The following NKAIN2 variants were observed in gnomAD, a reference collection of about 807,000 sequenced individuals.
NKAIN2 encodes the protein sodium/potassium transporting ATPase interacting 2, also known as sodium/potassium-transporting ATPase subunit beta-1-interacting protein 2.
In NKAIN2, 14 loss-of-function variants were observed where a neutral mutation model predicts 32.6. That is an observed-to-expected ratio of 0.43 (90% CI 0.28 to 0.67). The LOEUF (loss-of-function observed/expected upper bound fraction) is 0.67, where lower values mean the gene tolerates loss of function less well. Ranked by LOEUF, NKAIN2 falls within the 30% of genes least tolerant of loss-of-function variation. NKAIN2 has a pLI of 0.17. For missense variants in NKAIN2, 198 were observed against 258.3 expected (o/e 0.77, Z 1.60); for synonymous variants, 80 against 87.2 (o/e 0.92, Z 0.46).
At chr6:124,623,443 C>A (rs943334136) in intron 3 of NKAIN2, among the ~76,000 whole-genome samples, 4 of 152,050 alleles carry the variant, frequency 2.6e-5, no homozygotes, top group African/African-American at 9.7e-5. Context: ...TAGTATTGAA[C>A]TTAAAAATGT....
chr6:124,030,215 A>G (rs1271113479), intron 1 of NKAIN2, among the ~76,000 whole-genome samples: 1 of 152,168 alleles, frequency 6.6e-6, no homozygotes, highest in African/African-American at 2.4e-5. Flanking sequence ...TTCATTATAT[A>G]TTACAATGTA....
At chr6:124,168,397 T>A (rs1230099765) in intron 1 of NKAIN2, among the ~76,000 whole-genome samples, 2 of 152,162 alleles carry the variant, frequency 1.3e-5, no homozygotes, top group Admixed American at 1.3e-4. Flanking sequence ...TATTGTAGTA[T>A]GGATACTCTT....
intron 4 of NKAIN2, among the ~76,000 whole-genome samples, chr6:124,670,645 C>CTGTGTGTGTGTGTGTG (rs57300688): frequency 0.01 from 1,251 of 123,884 alleles, 4 homozygotes; most frequent in Non-Finnish European, 0.015. Context: ...TCTTTGCTTT[C>CTGTGTGTGTGTGTGTG]TGTGTGTGTG....
chr6:124,202,458 T>C (rs1222093801), intron 1 of NKAIN2, among the ~76,000 whole-genome samples: 1 of 151,048 alleles, frequency 6.6e-6, no homozygotes, highest in Non-Finnish European at 1.5e-5. Context: ...AATAAAAGAA[T>C]ATACATTCAT....
intron 3 of NKAIN2, among the ~76,000 whole-genome samples, chr6:124,396,203 A>G (rs769355447): frequency 4.6e-5 from 7 of 152,130 alleles, no homozygotes; most frequent in Non-Finnish European, 8.8e-5. Flanking sequence ...ATCTCCCAAT[A>G]CATGGTAAGA....
chr6:124,698,606 A>G (rs1002353649), intron 4 of NKAIN2, among the ~76,000 whole-genome samples: 1 of 152,190 alleles, frequency 6.6e-6, no homozygotes, highest in Non-Finnish European at 1.5e-5. Flanking sequence ...TTGCAGGATA[A>G]TTACTTTGCT....
intron 1 of NKAIN2, among the ~76,000 whole-genome samples, chr6:124,218,558 A>G (rs1354948093): frequency 2.0e-5 from 3 of 152,232 alleles, no homozygotes; most frequent in African/African-American, 7.2e-5. Flanking sequence ...AAAATAATTT[A>G]TTAAATAAGG....
intron 1 of NKAIN2, among the ~76,000 whole-genome samples, chr6:124,256,876 CT>C (rs990797483): frequency 1.2e-4 from 14 of 117,372 alleles, no homozygotes; most frequent in African/African-American, 4.6e-4. Flanking sequence ...TTTCAATTAG[CT>C]TTCTGTTGTT....
intron 3 of NKAIN2, among the ~76,000 whole-genome samples, chr6:124,563,184 G>A (rs545029292): frequency 9.9e-5 from 15 of 152,114 alleles, no homozygotes; most frequent in African/African-American, 3.1e-4. Context: ...GATTACAGGC[G>A]TGAGCCACTG....
rs755017479 is a variant in NKAIN2 at position 124,791,373 on chromosome 6, A to C, written c.509A>C (p.Lys170Thr). The C allele has an allele frequency of 3.7e-6, 6 of 1,608,890 alleles. No homozygotes were observed. The African/African-American group carries it at 5.3e-5, about 14-fold the overall frequency. The change falls in exon 5 of 7, where the codon AAA (lysine) becomes ACA (threonine). Residue 170 changes from lysine (K) to threonine (T), a missense_variant. Coordinates refer to ENST00000368417, the MANE Select transcript of NKAIN2 (RefSeq NM_001040214.3). ...AGFIYACYVV[K>T]CITEEEDSFD... is the part of the protein sequence containing the mutation. ...TTCATCTACGCCTGTTATGTTGTGA[A>C]ATGTATAACTGAAGAAGAGGACAGC...
chr6:124,520,157 C>A (rs149840219), intron 3 of NKAIN2, among the ~76,000 whole-genome samples: 2,433 of 152,098 alleles, frequency 0.016, 36 homozygotes, highest in Middle Eastern at 0.027. Context: ...AGGAATCTTC[C>A]CTATGTACTC....
chr6:124,151,814 C>T (rs1177439755), intron 1 of NKAIN2, among the ~76,000 whole-genome samples: 3 of 151,852 alleles, frequency 2.0e-5, no homozygotes, highest in Admixed American at 6.6e-5. Context: ...AGTACTTGTA[C>T]AAAATTTACT....
chr6:123,941,845 C>T (rs957786298), intron 1 of NKAIN2, among the ~76,000 whole-genome samples: 1 of 151,888 alleles, frequency 6.6e-6, no homozygotes, highest in African/African-American at 2.4e-5. Flanking sequence ...TAGGCATGCA[C>T]CCATAAATTG....
intron 2 of NKAIN2, among the ~76,000 whole-genome samples, chr6:124,347,884 G>T (rs930630135): frequency 2.0e-5 from 3 of 152,220 alleles, no homozygotes; most frequent in African/African-American, 7.2e-5. Flanking sequence ...GTGAGGAACT[G>T]CGTTCCTTTG....
intron 1 of NKAIN2, among the ~76,000 whole-genome samples, chr6:124,060,266 G>A (rs1389511867): frequency 6.6e-6 from 1 of 152,150 alleles, no homozygotes; most frequent in African/African-American, 2.4e-5. Flanking sequence ...TATTTTATTG[G>A]CATTTTCGTA....
At chr6:124,677,456 CT>C (rs1029528496) in intron 4 of NKAIN2, among the ~76,000 whole-genome samples, 16 of 151,868 alleles carry the variant, frequency 1.1e-4, no homozygotes, top group African/African-American at 1.9e-4. Context: ...GTTTCATTGA[CT>C]TTTTTTAGTG....
chr6:124,080,425 A>T (rs1474752262), intron 1 of NKAIN2, among the ~76,000 whole-genome samples: 1 of 152,132 alleles, frequency 6.6e-6, no homozygotes, highest in Non-Finnish European at 1.5e-5. Flanking sequence ...TGATTGTCAG[A>T]GATATTTTTA....
chr6:124,444,470 CT>C (rs1238211565), intron 3 of NKAIN2, among the ~76,000 whole-genome samples: 1 of 151,932 alleles, frequency 6.6e-6, no homozygotes, highest in Non-Finnish European at 1.5e-5. Flanking sequence ...ATGGTTGTTG[CT>C]TTCAATATGC....
chr6:124,367,975 A>T (rs1799597146), intron 3 of NKAIN2, among the ~76,000 whole-genome samples: 1 of 152,102 alleles, frequency 6.6e-6, no homozygotes, highest in Admixed American at 6.6e-5. Flanking sequence ...GGAACTCTTA[A>T]TGCTGGGTAG....
Sources: gnomAD v4.1 joint callset for allele counts (sites outside exome capture counted in the v4.1 genomes callset) on GRCh38, gnomAD v4.1.1 for gene constraint, MANE v1.5 for transcripts, NCBI Gene and HGNC (gene_info 2026-07-23, HGNC 2026-07-21) for gene names.